The following IL15 variants were observed in gnomAD, a reference collection of about 807,000 sequenced individuals.
IL15 encodes the protein interleukin 15.
In IL15, 11 loss-of-function variants were observed where a neutral mutation model predicts 19.6. That is an observed-to-expected ratio of 0.56 (90% CI 0.35 to 0.93). The LOEUF (loss-of-function observed/expected upper bound fraction) is 0.93. IL15 is among the 40% of genes least tolerant of loss of function. The probability of loss-of-function intolerance (pLI) is 0.01; values close to 1 mark genes in which losing one functional copy is unlikely to be tolerated. For missense variants in IL15, 197 were observed against 186.5 expected (o/e 1.06, Z -0.33); for synonymous variants, 58 against 59.6 (o/e 0.97, Z 0.12).
At chr4:141,686,985 A>T (rs1457826607) in intron 2 of IL15, among the ~76,000 whole-genome samples, 1 of 152,214 alleles carries the variant, frequency 6.6e-6, no homozygotes, top group East Asian at 1.9e-4. Flanking sequence ...GAAATTTATT[A>T]ATTTTTTATT....
At chr4:141,690,708 C>T (rs1055088044) in intron 2 of IL15, among the ~76,000 whole-genome samples, 2 of 152,202 alleles carry the variant, frequency 1.3e-5, no homozygotes, top group Admixed American at 1.3e-4. Context: ...TTCGATCATG[C>T]CATTACATGC....
intron 2 of IL15, among the ~76,000 whole-genome samples, chr4:141,691,749 T>C (rs923271203): frequency 6.6e-6 from 1 of 152,230 alleles, no homozygotes; most frequent in African/African-American, 2.4e-5. Context: ...CTACTGGGTC[T>C]GCAGCATACA....
intron 1 of IL15, among the ~76,000 whole-genome samples, chr4:141,643,280 A>G (rs1727114276): frequency 6.6e-6 from 1 of 152,052 alleles, no homozygotes; most frequent in Non-Finnish European, 1.5e-5. Flanking sequence ...TGCCATTTTT[A>G]AAAAAGACTC....
At chr4:141,679,510 A>T (rs1728465702) in intron 2 of IL15, among the ~76,000 whole-genome samples, 1 of 152,138 alleles carries the variant, frequency 6.6e-6, no homozygotes, top group African/African-American at 2.4e-5. Context: ...AATTTTTTGT[A>T]TACTCTTGTG....
At chr4:141,676,718 C>T (rs1369770498) in intron 2 of IL15, among the ~76,000 whole-genome samples, 1 of 149,586 alleles carries the variant, frequency 6.7e-6, no homozygotes, top group East Asian at 2.0e-4. Context: ...CGTGACTTCA[C>T]AGGATTTATG....
At chr4:141,693,694 T>G (rs75775085) in intron 2 of IL15, among the ~76,000 whole-genome samples, 3,189 of 152,326 alleles carry the variant, frequency 0.021, 58 homozygotes, top group Non-Finnish European at 0.031. Flanking sequence ...AAATCAGTAT[T>G]AAATGATTTA....
intron 1 of IL15, among the ~76,000 whole-genome samples, chr4:141,645,704 A>G (rs1369144294): frequency 1.3e-5 from 2 of 152,112 alleles, no homozygotes; most frequent in African/African-American, 4.8e-5. Flanking sequence ...GACAAAACAC[A>G]AAGAGAATGA....
intron 2 of IL15, among the ~76,000 whole-genome samples, chr4:141,707,991 C>T (rs560104283): frequency 4.6e-5 from 7 of 152,176 alleles, no homozygotes; most frequent in Non-Finnish European, 7.3e-5. Context: ...AGAGCTGCTG[C>T]AGGACTGGAT....
intron 6 of IL15, among the ~76,000 whole-genome samples, chr4:141,728,826 G>T (rs969464360): frequency 6.6e-6 from 1 of 152,046 alleles, no homozygotes; most frequent in Non-Finnish European, 1.5e-5. Flanking sequence ...GTTTTTCTTT[G>T]CATTTTTTGT....
Position 141,727,975 on chromosome 4 carries a change from T to C in IL15, c.231T>C (p.Ser77=). Residue 77 remains serine, a synonymous_variant, in exon 6 of 8, where the codon AGT becomes AGC. Transcript: ENST00000320650. ...TTGATGCTACTTTATATACGGAAAG[T>C]GATGTTCACGTGAGTATACTTTTTT... ...MHIDATLYTE[S]DVHPSCKVTA... is the part of the protein sequence containing the mutation. The C allele has an allele frequency of 2.9e-6, 4 of 1,357,806 alleles. No individual in the cohort carries two copies. Among genetic ancestry groups the C allele is most frequent in the Non-Finnish European group, 4.1e-6 (4 of 965,904 alleles). 84.1% of individuals were successfully genotyped at this position (1,357,806 alleles called of 1,614,324 possible).
chr4:141,679,830 G>T (rs1468531250), intron 2 of IL15, among the ~76,000 whole-genome samples: 1 of 152,166 alleles, frequency 6.6e-6, no homozygotes. Context: ...ACAAGTCAAA[G>T]CATCTACATA....
At chr4:141,670,948 C>T (rs933395231) in intron 2 of IL15, among the ~76,000 whole-genome samples, 1 of 152,106 alleles carries the variant, frequency 6.6e-6, no homozygotes, top group African/African-American at 2.4e-5. Flanking sequence ...AGGGTCTGGG[C>T]TCATGTATGC....
intron 2 of IL15, among the ~76,000 whole-genome samples, chr4:141,666,730 C>A (rs1727999201): frequency 6.6e-6 from 1 of 152,126 alleles, no homozygotes; most frequent in East Asian, 1.9e-4. Flanking sequence ...CTCTCATCTT[C>A]CCCCCTTTGT....
intron 1 of IL15, 115 bp from the exon 2 acceptor site, chr4:141,656,071 T>C (rs1170989963): frequency 5.1e-6 from 2 of 394,990 alleles, no homozygotes; most frequent in African/African-American, 2.1e-5. Flanking sequence ...TCCATATGAG[T>C]CTTCCTGTTT....
intron 2 of IL15, among the ~76,000 whole-genome samples, chr4:141,707,615 G>A (rs554062612): frequency 1.3e-5 from 2 of 152,324 alleles, no homozygotes; most frequent in Middle Eastern, 3.4e-3. Flanking sequence ...TTGATTCTGG[G>A]TGGACTCAGT....
At chr4:141,677,076 G>T (rs1200098782) in intron 2 of IL15, among the ~76,000 whole-genome samples, 2 of 152,198 alleles carry the variant, frequency 1.3e-5, no homozygotes, top group Admixed American at 1.3e-4. Flanking sequence ...GTGGAAGAAA[G>T]ATGCTACCAC....
In IL15 at chr4:141,733,023, T is replaced by A. The variant is rs1730504226; in HGVS notation, c.*175T>A. The A allele has an allele frequency of 1.0e-6, 1 of 958,630 alleles. No homozygotes were observed. The highest frequency in any genetic ancestry group is 1.5e-6 in the Non-Finnish European group (1 of 689,570). The allele number at this position is 958,630 out of a possible 1,614,324, so 59.4% of individuals were successfully genotyped here. A position where few individuals can be genotyped will look rare whatever the true frequency, so the allele number is the denominator to read the frequency against. On this transcript the variant is annotated 3_prime_UTR_variant, in exon 8 of 8. Coordinates refer to ENST00000320650, the MANE Select transcript of IL15 (RefSeq NM_000585.5). ...AGAAATGAAGGCAGAAAAATGTCAT[T>A]GAGTAATATAGTGACTATGAACTTC...
chr4:141,706,532 T>C (rs1729522137), intron 2 of IL15, among the ~76,000 whole-genome samples: 1 of 152,100 alleles, frequency 6.6e-6, no homozygotes, highest in Non-Finnish European at 1.5e-5. Context: ...TTTTCACACG[T>C]TTTTATTATA....
At chr4:141,641,075 A>G (rs1280710297) in intron 1 of IL15, among the ~76,000 whole-genome samples, 2 of 152,170 alleles carry the variant, frequency 1.3e-5, no homozygotes, top group African/African-American at 4.8e-5. Context: ...TGTGCCTTCT[A>G]ATAGAAATCT....
Sources: gnomAD v4.1 joint callset for allele counts (sites outside exome capture counted in the v4.1 genomes callset) on GRCh38, gnomAD v4.1.1 for gene constraint, MANE v1.5 for transcripts, NCBI Gene and HGNC (gene_info 2026-07-23, HGNC 2026-07-21) for gene names.